The following WDR59 variants were observed in gnomAD, a reference collection of about 807,000 sequenced individuals.
WDR59 encodes the protein GATOR2 complex protein WDR59.
Under a neutral mutation model 131.2 loss-of-function variants are expected in WDR59, and 100 were observed. The ratio of observed to expected loss-of-function variants is 0.76; its 90% confidence interval spans 0.65 to 0.90. The LOEUF (loss-of-function observed/expected upper bound fraction) is 0.90. Ranked by LOEUF, WDR59 falls within the 40% of genes least tolerant of loss-of-function variation. The probability of loss-of-function intolerance (pLI) is 0.00; values close to 1 mark genes in which losing one functional copy is unlikely to be tolerated. For synonymous variants in WDR59, 601 were observed against 466.2 expected, an observed-to-expected ratio of 1.29 and a Z score of -3.72; for missense variants, 1,203 against 1,262.2, an observed-to-expected ratio of 0.95 and a Z score of 0.71.
rs145664758 is a variant in WDR59 at position 74,893,793 on chromosome 16, C to T, written c.1886G>A (p.Ser629Asn). ...GCCAGAGTCTGATCCCTCACGCTTA[C>T]TTTTCCATCGTCTTGATTTCTAGGG... ...YKERKSRRWK[S>N]KREGSDSGNR... Residue 629 changes from serine (S) to asparagine (N), a missense_variant, in exon 19 of 26, where the codon AGT (serine) becomes AAT (asparagine). Coordinates refer to ENST00000262144, the MANE Select transcript of WDR59 (RefSeq NM_030581.4). 28 of 1,613,986 alleles carry T rather than the reference C, an allele frequency of 1.7e-5. No homozygotes were observed. The African/African-American group carries it at 3.6e-4, about 21-fold the overall frequency.
At chr16:74,972,615 T>C (rs767171529) in intron 1 of WDR59, among the ~76,000 whole-genome samples, 4 of 149,384 alleles carry the variant, frequency 2.7e-5, no homozygotes, top group Non-Finnish European at 6.0e-5. Flanking sequence ...GGGTGGATCA[T>C]TTCAGGTTAG....
At position 74,872,759 on chromosome 16, in the gene WDR59, G is replaced by C. The variant is rs1375598849; in HGVS notation, c.*1450C>G. ...AAGGAAGACTTTGGTTTATTGACAG[G>C]GTCTCACTCTGTTGCCCAGGCTGGA... On this transcript the variant is annotated 3_prime_UTR_variant, in exon 26 of 26. Transcript: ENST00000262144. 5 of 151,796 alleles carry C rather than the reference G, an allele frequency of 3.3e-5. No homozygotes were observed. The highest frequency in any genetic ancestry group is 1.2e-4 in the African/African-American group (5 of 41,244). 9.4% of individuals were successfully genotyped at this position (151,796 alleles called of 1,614,324 possible).
intron 1 of WDR59, among the ~76,000 whole-genome samples, chr16:74,980,110 C>T (rs1377274014): frequency 6.6e-6 from 1 of 151,842 alleles, no homozygotes; most frequent in Non-Finnish European, 1.5e-5. Flanking sequence ...CCACCTGCCT[C>T]GGCCTCCCAA....
At chr16:74,880,170 G>A (rs952246709) in intron 25 of WDR59, among the ~76,000 whole-genome samples, 3 of 152,132 alleles carry the variant, frequency 2.0e-5, no homozygotes, top group African/African-American at 4.8e-5. Context: ...TGATACGGCC[G>A]GGTGCAGTGG....
intron 2 of WDR59, among the ~76,000 whole-genome samples, chr16:74,961,234 G>T (rs954115997): frequency 2.0e-5 from 3 of 151,942 alleles, no homozygotes; most frequent in African/African-American, 7.3e-5. Flanking sequence ...CTTGAGCCCT[G>T]GAAGTCGAGA....
At chr16:74,949,351 AAAAG>A (rs1270111054) in intron 5 of WDR59, among the ~76,000 whole-genome samples, 55 of 146,666 alleles carry the variant, frequency 3.8e-4, no homozygotes, top group African/African-American at 1.2e-3. Context: ...AAAAAAAAAA[AAAAG>A]AAAGGAAAGA....
At chr16:74,918,371 T>A (rs1436082505) in intron 10 of WDR59, among the ~76,000 whole-genome samples, 1 of 152,178 alleles carries the variant, frequency 6.6e-6, no homozygotes, top group African/African-American at 2.4e-5. Flanking sequence ...AATTAGCAGG[T>A]AAAGAGCGAT....
chr16:74,909,968 G>GTTTT, intron 14 of WDR59, 51 bp from the exon 15 acceptor site: 1 of 1,015,740 alleles, frequency 9.8e-7, no homozygotes, highest in Non-Finnish European at 1.3e-6. Context: ...TTCTCTGATA[G>GTTTT]GTTTTTTTTT....
chr16:74,906,987 G>A (rs1965850839), intron 17 of WDR59, among the ~76,000 whole-genome samples: 1 of 152,142 alleles, frequency 6.6e-6, no homozygotes, highest in Admixed American at 6.5e-5. Context: ...CATTCTAATA[G>A]GAACATTTTC....
At chr16:74,920,495 G>A (rs1214131102) in intron 10 of WDR59, among the ~76,000 whole-genome samples, 1 of 152,086 alleles carries the variant, frequency 6.6e-6, no homozygotes, top group Non-Finnish European at 1.5e-5. Context: ...CTGCCTCCTG[G>A]GTTCAAGAGA....
At chr16:74,876,046 C>G (rs1459605502) in intron 25 of WDR59, among the ~76,000 whole-genome samples, 1 of 152,142 alleles carries the variant, frequency 6.6e-6, no homozygotes, top group African/African-American at 2.4e-5. Context: ...TTCGTCGTTA[C>G]ACCACGCATC....
At chr16:74,899,713 T>A in intron 18 of WDR59, 1 of 1,289,180 alleles carries the variant, frequency 7.8e-7, no homozygotes, top group African/African-American at 1.5e-5. Context: ...AGTCGTTAAT[T>A]GCTTGTATGG....
At chr16:74,918,783 G>T (rs951632227) in intron 10 of WDR59, among the ~76,000 whole-genome samples, 1 of 152,178 alleles carries the variant, frequency 6.6e-6, no homozygotes, top group Non-Finnish European at 1.5e-5. Flanking sequence ...TATGGATGGG[G>T]AAACTGAGGC....
At chr16:74,885,448 C>CAAAAA (rs397855343) in intron 25 of WDR59, among the ~76,000 whole-genome samples, 2,466 of 62,352 alleles carry the variant, frequency 0.04, 322 homozygotes, top group Admixed American at 0.054. Context: ...GATTCCATCT[C>CAAAAA]AAAAAAAAAA....
At chr16:74,931,816 G>A (rs1298660566) in intron 8 of WDR59, among the ~76,000 whole-genome samples, 1 of 151,998 alleles carries the variant, frequency 6.6e-6, no homozygotes, top group Non-Finnish European at 1.5e-5. Flanking sequence ...CAAGCCTGAA[G>A]TGAGCTGTGA....
intron 11 of WDR59, 42 bp from the exon 12 acceptor site, chr16:74,916,301 G>C: frequency 1.2e-6 from 2 of 1,611,002 alleles, no homozygotes; most frequent in Non-Finnish European, 8.5e-7. Context: ...AGAAGTCCGT[G>C]GAAATGATTG....
intron 14 of WDR59, chr16:74,911,909 A>G (rs1242606110): frequency 1.9e-6 from 1 of 529,164 alleles, no homozygotes; most frequent in Non-Finnish European, 3.3e-6. Context: ...TTTACAGGCA[A>G]TATTTCTCAA....
chr16:74,981,643 TATATATA>T lies in WDR59; in HGVS notation c.54+3314_54+3320del, dbSNP rs2034422367. ...ATATATATATATATATATATATATA[TATATATA>T]TATATATATATTTTTTTTTTTTTTA... On this transcript the variant is annotated intron_variant, in intron 1 of 25. Coordinates refer to ENST00000262144, the MANE Select transcript of WDR59 (RefSeq NM_030581.4). Among the ~76,000 whole-genome samples, 30 of 22,616 alleles carry T rather than the reference TATATATA, an allele frequency of 1.3e-3. 3 individuals carry two copies. The highest frequency in any genetic ancestry group is 5.3e-3 in the African/African-American group (26 of 4,898). 14.8% of individuals were successfully genotyped at this position (22,616 alleles called of 152,430 possible).
Position 74,871,686 on chromosome 16 carries a change from TG to T in WDR59, c.*2522del, listed in dbSNP as rs1462964359. 2.0e-5 allele frequency: 3 copies of T among 152,224 alleles called. No individual in the cohort carries two copies. The highest frequency in any genetic ancestry group is 6.5e-5 in the Admixed American group (1 of 15,278). The allele number at this position is 152,224 out of a possible 1,614,324, so 9.4% of individuals were successfully genotyped here. On this transcript the variant is annotated 3_prime_UTR_variant, in exon 26 of 26. Transcript: ENST00000262144. ...TGAGCAGTGGGGAACAGGAAAAGAT[TG>T]CTCTCTGCAAATGGTGTGATTTCAC...
Sources: allele counts gnomAD v4.1 joint callset (sites outside exome capture counted in the v4.1 genomes callset), GRCh38; gene constraint gnomAD v4.1.1; transcripts MANE v1.5; gene names NCBI Gene and HGNC (gene_info 2026-07-23, HGNC 2026-07-21).